Variants in CHERP observed in about 807,000 individuals in gnomAD.
The protein encoded by CHERP is ERPROT 213-21.
Under a neutral mutation model 113.8 loss-of-function variants are expected in CHERP, and 8 were observed. The observed-to-expected ratio is 0.07, with a 90% CI of 0.04 to 0.13. The LOEUF is 0.13. Ranked by LOEUF, CHERP falls within the 10% of genes least tolerant of loss-of-function variation. The pLI is 1.00. For synonymous variants in CHERP, 559 were observed against 524.5 expected (o/e 1.07, Z -0.90); for missense variants, 884 against 1,298.2 (o/e 0.68, Z 4.90).
intron 3 of CHERP, among the ~76,000 whole-genome samples, chr19:16,533,798 AAG>A (rs1386586754): frequency 6.6e-6 from 1 of 152,080 alleles, no homozygotes; most frequent in Non-Finnish European, 1.5e-5. Context: ...CAACAACAAA[AAG>A]AAAAGAAAAG....
In CHERP at chr19:16,520,304, C is replaced by A. The variant is rs779871724; in HGVS notation, c.2346-39G>T. On this transcript the variant is annotated intron_variant, in intron 14 of 16. Transcript: ENST00000546361. The surrounding 1 kb of genome is among the most constrained non-coding windows in gnomAD (Gnocchi z 4.0). ...TGCCCAAGGGTCAGCAGCAGCCAGG[C>A]GTCGTGGGGAGGCCACAGGAAGAGG... is the stretch of plus-strand genomic sequence containing the variant. 2 of 1,610,964 alleles carry A rather than the reference C, an allele frequency of 1.2e-6. No individual in the cohort carries two copies. Among genetic ancestry groups the A allele is most frequent in the Admixed American group, 3.3e-5 (2 of 59,916 alleles).
intron 1 of CHERP, 51 bp from the exon 2 acceptor site, chr19:16,542,094 G>A: frequency 3.2e-6 from 5 of 1,555,520 alleles, no homozygotes; most frequent in East Asian, 4.6e-5. Context: ...ACCGCCCAAA[G>A]CCGGGGGACT....
intron 5 of CHERP, among the ~76,000 whole-genome samples, chr19:16,531,200 T>A (rs2085701119): frequency 6.6e-6 from 1 of 152,150 alleles, no homozygotes; most frequent in African/African-American, 2.4e-5. Flanking sequence ...TGAAGGGATA[T>A]GGGCCGGCGG....
Position 16,530,754 on chromosome 19 carries a change from C to A in CHERP, c.786+15G>T. 6.2e-7 allele frequency: 1 copy of A among 1,613,916 alleles called. No individual in the cohort carries two copies. Among genetic ancestry groups the A allele is most frequent in the South Asian group, 1.1e-5 (1 of 91,074 alleles). ...GTCCCGGTCTTGCCCAACCCCCGGCCCGGGGCCCACGCACCCGGGCGATCT... is the reference window on the plus strand; with the variant it reads ...GTCCCGGTCTTGCCCAACCCCCGGCACGGGGCCCACGCACCCGGGCGATCT... On this transcript the variant is annotated intron_variant, in intron 6 of 16. Coordinates refer to ENST00000546361, the MANE Select transcript of CHERP (RefSeq NM_006387.6). The surrounding 1 kb of genome is among the most constrained non-coding windows in gnomAD (Gnocchi z 4.1).
At position 16,528,186 on chromosome 19, in the gene CHERP, G is replaced by A. The variant is rs1438059063; in HGVS notation, c.1199C>T (p.Pro400Leu). 25 of 1,612,910 alleles carry A rather than the reference G, an allele frequency of 1.5e-5. No homozygotes were observed. Among genetic ancestry groups the A allele is most frequent in the Non-Finnish European group, 1.9e-5 (23 of 1,179,656 alleles). The change falls in exon 9 of 17, where the codon CCT becomes CTT. Residue 400 changes from proline (P) to leucine (L), a missense_variant. Pro to Leu is a moderately conservative substitution (Grantham distance 98, BLOSUM62 -3). Coordinates refer to ENST00000546361, the MANE Select transcript of CHERP (RefSeq NM_006387.6). ...GGGGCCCCGGGGGCCGGCAGCTGCAGGATCCTGGACCCCTCCTGGAGCTTC... is the reference window on the plus strand; with the variant it reads ...GGGGCCCCGGGGGCCGGCAGCTGCAAGATCCTGGACCCCTCCTGGAGCTTC... ...EYEAPGGVQDPAAAGPRGPGP... is the reference protein window; with the variant it reads ...EYEAPGGVQDLAAAGPRGPGP...
rs1232412057 is a variant in CHERP, at chr19:16,520,550, C to T, written c.2202-43G>A. ...ATGATCAGGTGCCCCAGTGGATGGG[C>T]TGCACCCAGCCCACCCTGGCCCTCA... On this transcript the variant is annotated intron_variant, in intron 13 of 16. Transcript: ENST00000546361. This position sits in a 1 kb window ranked among gnomAD's most constrained non-coding sequence, Gnocchi z 4.0. The T allele has an allele frequency of 6.3e-7, 1 of 1,585,382 alleles. No homozygotes were observed. The highest frequency in any genetic ancestry group is 8.6e-7 in the Non-Finnish European group (1 of 1,165,058).
Position 16,521,668 on chromosome 19 carries a change from C to A in CHERP, c.1981-14G>T, listed in dbSNP as rs754849942. 3.2e-6 allele frequency: 5 copies of A among 1,557,316 alleles called. No homozygotes were observed. The African/African-American group carries it at 6.8e-5, about 21-fold the overall frequency. ...GTGATCTTCCAGCTGCAGCAGAGAA[C>A]CCCAGCTGTCACCATGCCTGGGCAG... On this transcript the variant is annotated splice_polypyrimidine_tract_variant and intron_variant, in intron 11 of 16. Transcript: ENST00000546361.
rs751241744 is a variant in CHERP, at chr19:16,542,418, C to T, written c.-40G>A. The T allele has an allele frequency of 6.8e-6, 9 of 1,331,752 alleles. No homozygotes were observed. The East Asian group carries it at 2.6e-4, about 38-fold the overall frequency. 82.5% of individuals were successfully genotyped at this position (1,331,752 alleles called of 1,614,324 possible). ...GGAACGTCCTCCGGCGCCACACGATCGACCACCAGCGCCGTCTGCGGAAGC... is the reference window on the plus strand; with the variant it reads ...GGAACGTCCTCCGGCGCCACACGATTGACCACCAGCGCCGTCTGCGGAAGC... On this transcript the variant is annotated 5_prime_UTR_variant, in exon 1 of 17. Coordinates refer to ENST00000546361, the MANE Select transcript of CHERP (RefSeq NM_006387.6).
At chr19:16,539,876 ACACT>A (rs907306354) in intron 2 of CHERP, 1 of 152,206 alleles carries the variant, frequency 6.6e-6, no homozygotes, top group Non-Finnish European at 1.5e-5. Flanking sequence ...CTTACTGCAC[ACACT>A]CAATCGACAC....
intron 1 of CHERP, 64 bp from the exon 2 acceptor site, chr19:16,542,107 G>A: frequency 6.6e-7 from 1 of 1,526,264 alleles, no homozygotes; most frequent in Non-Finnish European, 8.8e-7. Flanking sequence ...GGGGGACTCG[G>A]CGCCCCAGCC....
chr19:16,541,608 A>G, intron 2 of CHERP: 1 of 421,734 alleles, frequency 2.4e-6, no homozygotes. Flanking sequence ...AATCTCCGTC[A>G]TCAGTCTGCA....
In CHERP at chr19:16,530,103, G is replaced by A. The variant is rs1405088003; in HGVS notation, c.877-203C>T. Reference sequence around the variant, plus strand: ...CAGAGATTTGGGGATGAGGATGTTCGCTGCAGCGTGTTTTACGACTCCCTG... The same window carrying A: ...CAGAGATTTGGGGATGAGGATGTTCACTGCAGCGTGTTTTACGACTCCCTG... On this transcript the variant is annotated intron_variant, in intron 7 of 16. Coordinates refer to ENST00000546361, the MANE Select transcript of CHERP (RefSeq NM_006387.6). This position sits in a 1 kb window ranked among gnomAD's most constrained non-coding sequence, Gnocchi z 4.1. 2.0e-5 allele frequency among the ~76,000 whole-genome samples: 3 copies of A among 152,190 alleles called. No individual in the cohort carries two copies. The highest frequency in any genetic ancestry group is 4.8e-5 in the African/African-American group (2 of 41,436).
Position 16,530,600 on chromosome 19 carries a change from C to T in CHERP, c.861G>A (p.Gly287=), listed in dbSNP as rs1413104866. Residue 287 remains glycine, a synonymous_variant, in exon 7 of 17, where the codon GGG becomes GGA. Coordinates refer to ENST00000546361, the MANE Select transcript of CHERP (RefSeq NM_006387.6). This position sits in a 1 kb window ranked among gnomAD's most constrained non-coding sequence, Gnocchi z 4.1. ...IIQQLQSPAL[G]LGQYQATLIN... ...GGACACTCACCTGGTACTGACCAAG[C>T]CCCAGGGCTGGGCTCTGTAGCTGCT... 1 of 1,613,984 alleles carries T rather than the reference C, an allele frequency of 6.2e-7. No individual in the cohort carries two copies.
At chr19:16,539,361 A>G (rs1599756125) in intron 2 of CHERP, among the ~76,000 whole-genome samples, 1 of 151,878 alleles carries the variant, frequency 6.6e-6, no homozygotes, top group South Asian at 2.1e-4. Context: ...GTTAGCCAGG[A>G]TGGTCTCGAT....
chr19:16,535,643 G>A lies in CHERP; in HGVS notation c.200-7C>T, dbSNP rs770602480. The A allele has an allele frequency of 6.7e-7, 1 of 1,501,060 alleles. No homozygotes were observed. 93.0% of individuals were successfully genotyped at this position (1,501,060 alleles called of 1,614,324 possible). ...GTCTGCTGCTTGCAGATGACTGGAG[G>A]GAGAGGAGGAGGGGTGCCCCATGAG... On this transcript the variant is annotated splice_polypyrimidine_tract_variant and splice_region_variant and intron_variant, in intron 2 of 16. Coordinates refer to ENST00000546361, the MANE Select transcript of CHERP (RefSeq NM_006387.6). This position sits in a 1 kb window ranked among gnomAD's most constrained non-coding sequence, Gnocchi z 4.3.
intron 10 of CHERP, among the ~76,000 whole-genome samples, chr19:16,524,812 A>T (rs1281429539): frequency 6.6e-6 from 1 of 151,668 alleles, no homozygotes; most frequent in East Asian, 1.9e-4. Context: ...AGGGTGGAGT[A>T]CAGTGGTGCG....
At chr19:16,528,026 C>T (rs1555781025) in intron 9 of CHERP, 54 bp downstream of exon 9, 22 of 1,568,456 alleles carry the variant, frequency 1.4e-5, no homozygotes, top group Non-Finnish European at 1.7e-5. Context: ...GGGGAGGCTA[C>T]CCCATCAGGC....
Position 16,519,745 on chromosome 19 carries a change from GAAGT to G in CHERP, c.2463-34_2463-31del, listed in dbSNP as rs1397269747. The G allele has an allele frequency of 5.1e-6, 8 of 1,554,476 alleles. No homozygotes were observed. Among genetic ancestry groups the G allele is most frequent in the Non-Finnish European group, 7.1e-6 (8 of 1,126,108 alleles). On this transcript the variant is annotated intron_variant, in intron 15 of 16. Coordinates refer to ENST00000546361, the MANE Select transcript of CHERP (RefSeq NM_006387.6). This position sits in a 1 kb window ranked among gnomAD's most constrained non-coding sequence, Gnocchi z 6.0. ...AATCGAGACAGGTTATTCTTTTTAAGAAGTAACTGAGACATTTATTGGAATGACA... is the reference window on the plus strand; with the variant it reads ...AATCGAGACAGGTTATTCTTTTTAAGAACTGAGACATTTATTGGAATGACA...
At chr19:16,541,759 C>A in intron 2 of CHERP, 111 bp downstream of exon 2, 1 of 1,144,100 alleles carries the variant, frequency 8.7e-7, no homozygotes, top group Admixed American at 2.2e-5. Context: ...CCGAGCTGCT[C>A]CACTTCAAAG....
Sources: gnomAD v4.1 joint callset for allele counts (sites outside exome capture counted in the v4.1 genomes callset) on GRCh38, gnomAD v4.1.1 for gene constraint, Gnocchi (gnomAD v3.1) non-coding constraint, MANE v1.5 for transcripts, NCBI Gene and HGNC (gene_info 2026-07-23, HGNC 2026-07-21) for gene names.